The following MOBP variants were observed in gnomAD, a reference collection of about 807,000 sequenced individuals.
The protein encoded by MOBP is myelin-associated oligodendrocyte basic protein.
MOBP carries 5 observed loss-of-function variants against 15.0 expected under a neutral mutation model. The observed-to-expected ratio is 0.33, with a 90% CI of 0.17 to 0.70. The LOEUF is 0.70. Among genes scored for constraint, MOBP ranks in the 30% least tolerant of loss-of-function variants. The probability of loss-of-function intolerance (pLI) is 0.67; values close to 1 mark genes in which losing one functional copy is unlikely to be tolerated. For synonymous variants in MOBP, 88 were observed against 99.0 expected (o/e 0.89, Z 0.66); for missense variants, 188 against 257.8 (o/e 0.73, Z 1.85).
intron 1 of MOBP, among the ~76,000 whole-genome samples, chr3:39,478,854 G>T (rs1364015953): frequency 7.4e-6 from 1 of 134,438 alleles, no homozygotes; most frequent in Non-Finnish European, 1.5e-5. Flanking sequence ...TCTTGAGATG[G>T]AGTCTCACTT....
chr3:39,480,362 G>T (rs1040596138), intron 2 of MOBP, among the ~76,000 whole-genome samples: 1 of 152,084 alleles, frequency 6.6e-6, no homozygotes, highest in African/African-American at 2.4e-5. Context: ...CCAAGCCACC[G>T]AGTGTCTGTG....
chr3:39,474,778 T>A, intron 1 of MOBP, among the ~76,000 whole-genome samples: 1 of 151,884 alleles, frequency 6.6e-6, no homozygotes, highest in Non-Finnish European at 1.5e-5. Context: ...TTTAAAAAAA[T>A]AAAATAAAAC....
chr3:39,499,836 G>T, intron 2 of MOBP: 1 of 346,188 alleles, frequency 2.9e-6, no homozygotes, highest in Admixed American at 3.8e-5. Flanking sequence ...GGGCTCTCGG[G>T]GGTAATGCAA....
chr3:39,502,667 T>A lies in MOBP; in HGVS notation c.339T>A (p.Ser113=). 1 of 1,495,920 alleles carries A rather than the reference T, an allele frequency of 6.7e-7. No individual in the cohort carries two copies. The highest frequency in any genetic ancestry group is 8.9e-7 in the Non-Finnish European group (1 of 1,128,478). 92.7% of individuals were successfully genotyped at this position (1,495,920 alleles called of 1,614,324 possible). A position where few individuals can be genotyped will look rare whatever the true frequency, so the allele number is the denominator to read the frequency against. ...GTCAGCCACGGTCCCCTCCGAGGTC[T>A]GAGCGTCAGCCACGGTCCCCTCCGA... The part of the protein sequence containing the change: ...SERQPRSPPR[S]ERQPRSPPRS... Residue 113 remains serine, a synonymous_variant, in exon 4 of 4, where the codon TCT becomes TCA. Transcript: ENST00000684792. The surrounding 1 kb of genome is among the most constrained non-coding windows in gnomAD (Gnocchi z 6.3).
At chr3:39,484,018 C>G (rs1436814634) in intron 2 of MOBP, among the ~76,000 whole-genome samples, 1 of 152,166 alleles carries the variant, frequency 6.6e-6, no homozygotes, top group African/African-American at 2.4e-5. Context: ...AGGATTCAGA[C>G]AGAAACTCTG....
chr3:39,508,109 GTGTTTA>G (rs1559426399), intron 4 of MOBP, among the ~76,000 whole-genome samples: 2 of 152,210 alleles, frequency 1.3e-5, no homozygotes, highest in Non-Finnish European at 2.9e-5. Flanking sequence ...AAGCAGAATT[GTGTTTA>G]TCCTATCACT....
chr3:39,502,571 G>T lies in MOBP; in HGVS notation c.243G>T (p.Lys81Asn). 1.9e-6 allele frequency: 3 copies of T among 1,579,240 alleles called. No homozygotes were observed. Among genetic ancestry groups the T allele is most frequent in the Non-Finnish European group, 2.6e-6 (3 of 1,171,722 alleles). Residue 81 changes from lysine to asparagine, a missense_variant, in exon 4 of 4, where the codon AAG becomes AAT. Transcript: ENST00000684792. The surrounding 1 kb of genome is among the most constrained non-coding windows in gnomAD (Gnocchi z 6.3). ...GTGCCAAGTCCCCTCAGAGGCCCAAGCAACAGCCAGCTGCGCCCCCCGCGG... is the reference window on the plus strand; with the variant it reads ...GTGCCAAGTCCCCTCAGAGGCCCAATCAACAGCCAGCTGCGCCCCCCGCGG... ...SRRAKSPQRPKQQPAAPPAVV... is the reference protein window; with the variant it reads ...SRRAKSPQRPNQQPAAPPAVV...
At chr3:39,471,338 C>T (rs1357017320) in intron 1 of MOBP, among the ~76,000 whole-genome samples, 3 of 152,022 alleles carry the variant, frequency 2.0e-5, no homozygotes, top group East Asian at 3.9e-4. Flanking sequence ...ACCATGTTAG[C>T]CAGGATGGTC....
intron 1 of MOBP, among the ~76,000 whole-genome samples, chr3:39,468,718 A>G (rs919902962): frequency 4.2e-5 from 6 of 141,936 alleles, no homozygotes; most frequent in South Asian, 4.4e-4. Flanking sequence ...ATGTGTGTGT[A>G]TATACATATA....
chr3:39,510,189 T>C (rs1038422155), intron 4 of MOBP, among the ~76,000 whole-genome samples: 2 of 152,162 alleles, frequency 1.3e-5, no homozygotes, highest in African/African-American at 2.4e-5. Context: ...AATTTATATA[T>C]CTTTCCTTTC....
intron 2 of MOBP, among the ~76,000 whole-genome samples, chr3:39,481,705 C>T (rs979929308): frequency 6.6e-6 from 1 of 152,140 alleles, no homozygotes; most frequent in Non-Finnish European, 1.5e-5. Flanking sequence ...TCACTATTCC[C>T]TCCATAAACC....
intron 2 of MOBP, among the ~76,000 whole-genome samples, chr3:39,494,790 CCG>C (rs777077029): frequency 0.077 from 7,437 of 97,048 alleles, 651 homozygotes; most frequent in African/African-American, 0.19. Flanking sequence ...AAGCCCCCCC[CCG>C]CCCCCCGAGT....
At chr3:39,501,227 C>T (rs552254163) in intron 2 of MOBP, among the ~76,000 whole-genome samples, 1 of 152,340 alleles carries the variant, frequency 6.6e-6, no homozygotes, top group Admixed American at 6.5e-5. Context: ...ACATACTGCA[C>T]ATATGCATCT....
intron 2 of MOBP, among the ~76,000 whole-genome samples, chr3:39,488,711 C>T (rs656454): frequency 0.3 from 45,440 of 151,954 alleles, 9,202 homozygotes; most frequent in African/African-American, 0.57. Context: ...ATTGGGCATT[C>T]GCTTAAGTCA....
At chr3:39,495,750 C>CAAAAAA (rs1179926622) in intron 2 of MOBP, among the ~76,000 whole-genome samples, 7 of 60,068 alleles carry the variant, frequency 1.2e-4, no homozygotes, top group African/African-American at 1.8e-4. Flanking sequence ...GAGACCTTGT[C>CAAAAAA]AAAAAAAAAA....
At chr3:39,506,210 G>A (rs536431738), downstream of MOBP, among the ~76,000 whole-genome samples, 16 of 152,244 alleles carry the variant, frequency 1.1e-4, no homozygotes, top group Non-Finnish European at 2.2e-4. Context: ...GTTTGTTCAC[G>A]TCTGGCCCTA....
At position 39,499,834 on chromosome 3, in the gene MOBP, G is replaced by A. The variant is rs1028085286; in HGVS notation, c.-4-2232G>A. 79 of 343,848 alleles carry A rather than the reference G, an allele frequency of 2.3e-4. 1 individual carries two copies. Among genetic ancestry groups the A allele is most frequent in the African/African-American group, 1.0e-3 (47 of 46,214 alleles). 21.3% of individuals were successfully genotyped at this position (343,848 alleles called of 1,614,324 possible). A position where few individuals can be genotyped will look rare whatever the true frequency, so the allele number is the denominator to read the frequency against. On this transcript the variant is annotated intron_variant, in intron 2 of 3. Coordinates refer to ENST00000684792, the MANE Select transcript of MOBP (RefSeq NM_001393704.1). The stretch of plus-strand genomic sequence containing the variant: ...CAATGCAGATAGGATGAGGGCTCTC[G>A]GGGGTAATGCAATTCACTGTGTATC...
downstream of MOBP, chr3:39,525,714 A>G (rs1708001): frequency 0.32 from 49,537 of 152,574 alleles, 10,518 homozygotes; most frequent in African/African-American, 0.61. Context: ...ACAGAGTATG[A>G]AGGAAGAGTG....
intron 3 of MOBP, among the ~76,000 whole-genome samples, chr3:39,522,618 C>G (rs1010361391): frequency 6.6e-6 from 1 of 152,130 alleles, no homozygotes; most frequent in African/African-American, 2.4e-5. Context: ...CAGACTTTGC[C>G]TAGAAATGTC....
Sources: allele counts gnomAD v4.1 joint callset (sites outside exome capture counted in the v4.1 genomes callset), GRCh38; gene constraint gnomAD v4.1.1; non-coding constraint Gnocchi (gnomAD v3.1); transcripts MANE v1.5; gene names NCBI Gene and HGNC (gene_info 2026-07-23, HGNC 2026-07-21).